RPL13: variants seen among roughly 807,000 people sequenced by gnomAD.
RPL13 encodes ribosomal protein L13.
In RPL13, 1 loss-of-function variant was observed where a neutral mutation model predicts 21.4. The observed-to-expected ratio is 0.05, with a 90% CI of 0.02 to 0.22. The LOEUF is 0.22. Ranked by LOEUF, RPL13 falls within the 10% of genes least tolerant of loss-of-function variation. The pLI, the probability that RPL13 is intolerant of heterozygous loss-of-function variation, is 1.00. For synonymous variants in RPL13, 143 were observed against 120.5 expected, an observed-to-expected ratio of 1.19 and a Z score of -1.23; for missense variants, 289 against 303.0, an observed-to-expected ratio of 0.95 and a Z score of 0.34.
Position 89,563,231 on chromosome 16 carries a change from G to A in RPL13, c.*189G>A, listed in dbSNP as rs1341688887. ...TTACTTTCTGTGTTGAAGCACTGTT[G>A]GTTGTTTGGTTAGTGACTGATGTAA... On this transcript the variant is annotated 3_prime_UTR_variant, in exon 6 of 6. Transcript: ENST00000311528. The A allele has an allele frequency of 8.0e-6, 4 of 497,788 alleles. No individual in the cohort carries two copies. Among genetic ancestry groups the A allele is most frequent in the Non-Finnish European group, 1.3e-5 (4 of 303,952 alleles). The allele number at this position is 497,788 out of a possible 1,614,324, so 30.8% of individuals were successfully genotyped here.
In RPL13 at chr16:89,561,632, A is replaced by G; in HGVS notation, c.301A>G (p.Arg101Gly). Residue 101 changes from arginine to glycine, a missense_variant, in exon 4 of 6, where the codon AGG becomes GGG. Physicochemically the swap from Arg to Gly is moderately radical, Grantham distance 125. Coordinates refer to ENST00000311528, the MANE Select transcript of RPL13 (RefSeq NM_000977.4). ...GACCATCGGCATTTCTGTGGATCCG[A>G]GGAGGCGGAACAAGTCCACGGAGTC... is the stretch of plus-strand genomic sequence containing the variant. ...ARTIGISVDPRRRNKSTESLQ... is the reference protein window; with the variant it reads ...ARTIGISVDPGRRNKSTESLQ... 6.2e-7 allele frequency: 1 copy of G among 1,613,754 alleles called. No individual in the cohort carries two copies. The highest frequency in any genetic ancestry group is 2.2e-5 in the East Asian group (1 of 44,882).
In RPL13 at chr16:89,563,214, T is replaced by C. The variant is rs2058759287; in HGVS notation, c.*172T>C. The stretch of plus-strand genomic sequence containing the variant: ...AAGCCCTGGATAATGCTTTACTTTC[T>C]GTGTTGAAGCACTGTTGGTTGTTTG... On this transcript the variant is annotated 3_prime_UTR_variant, in exon 6 of 6. Coordinates refer to ENST00000311528, the MANE Select transcript of RPL13 (RefSeq NM_000977.4). 1.7e-6 allele frequency: 1 copy of C among 573,538 alleles called. No individual in the cohort carries two copies. The highest frequency in any genetic ancestry group is 2.7e-6 in the Non-Finnish European group (1 of 364,620). The allele number at this position is 573,538 out of a possible 1,614,324, so 35.5% of individuals were successfully genotyped here. A position where few individuals can be genotyped will look rare whatever the true frequency, so the allele number is the denominator to read the frequency against.
chr16:89,562,694 C>T lies in RPL13; in HGVS notation c.478-190C>T, dbSNP rs1368459846. The T allele has an allele frequency of 8.3e-6, 5 of 604,926 alleles. No homozygotes were observed. The South Asian group carries it at 1.3e-4, about 16-fold the overall frequency. The allele number at this position is 604,926 out of a possible 1,614,324, so 37.5% of individuals were successfully genotyped here. ...TACAGGCTTGAGCCGCCATGTCCAG[C>T]TCAGGGAGGGTTTTTCTTTTTTTTT... On this transcript the variant is annotated intron_variant, in intron 5 of 5. Transcript: ENST00000311528.
In RPL13 at chr16:89,563,059, T is replaced by C. The variant is rs777231997; in HGVS notation, c.*17T>C. On this transcript the variant is annotated 3_prime_UTR_variant, in exon 6 of 6. Coordinates refer to ENST00000311528, the MANE Select transcript of RPL13 (RefSeq NM_000977.4). The stretch of plus-strand genomic sequence containing the variant: ...AAAAAATAAAGCCCTCCTGGGGACT[T>C]GGAATCAGTCGGCAGTCATGCTGGG... The C allele has an allele frequency of 8.0e-6, 12 of 1,491,528 alleles. No individual in the cohort carries two copies. The East Asian group carries it at 2.8e-4, about 34-fold the overall frequency. The allele number at this position is 1,491,528 out of a possible 1,614,324, so 92.4% of individuals were successfully genotyped here.
downstream of RPL13, chr16:89,566,564 T>G (rs534904223): frequency 6.6e-6 from 1 of 152,128 alleles, no homozygotes; most frequent in Admixed American, 6.5e-5. Context: ...TTTGGGAGGC[T>G]GAGGGGGGAG....
chr16:89,566,321 C>T (rs1191507762), downstream of RPL13: 4 of 152,296 alleles, frequency 2.6e-5, no homozygotes, highest in Middle Eastern at 3.4e-3. Context: ...AGGCACGAGT[C>T]GCCTGCCTCG....
Position 89,561,325 on chromosome 16 carries a change from C to G in RPL13, c.203C>G (p.Thr68Arg), listed in dbSNP as rs1342966310. 1.9e-6 allele frequency: 3 copies of G among 1,595,410 alleles called. No individual in the cohort carries two copies. The highest frequency in any genetic ancestry group is 1.7e-6 in the Non-Finnish European group (2 of 1,175,490). The change falls in exon 3 of 6, where the codon ACG (threonine) becomes AGG (arginine). Residue 68 changes from threonine to arginine, a missense_variant. Physicochemically the swap from Thr to Arg is moderately conservative, Grantham distance 71. Transcript: ENST00000311528. The part of the protein sequence containing the change: ...IVRCPTVRYH[T>R]KVRAGRGFSL... ...CGCTGCCCCACGGTTCGGTACCACA[C>G]GAAGGTGCGCGCCGGCCGCGGCTTC...
downstream of RPL13, chr16:89,564,548 G>A (rs149952536): frequency 3.3e-5 from 5 of 152,138 alleles, no homozygotes; most frequent in Non-Finnish European, 5.9e-5. Flanking sequence ...GGTGACACAC[G>A]CCTGTAATCC....
rs887005541 is a variant in RPL13 at position 89,563,405 on chromosome 16, A to G, written c.*363A>G. The G allele has an allele frequency of 1.7e-4, 28 of 160,436 alleles. No homozygotes were observed. Among genetic ancestry groups the G allele is most frequent in the African/African-American group, 6.7e-4 (28 of 41,760 alleles). 9.9% of individuals were successfully genotyped at this position (160,436 alleles called of 1,614,324 possible). ...GGAGTTCAAGACCAGCCTGGCCAAC[A>G]TGTCAGAACTACTAAAAATAAAGAA... On this transcript the variant is annotated 3_prime_UTR_variant, in exon 6 of 6. Transcript: ENST00000311528.
At position 89,560,967 on chromosome 16, in the gene RPL13, C is replaced by G; in HGVS notation, c.8C>G (p.Pro3Arg). The G allele has an allele frequency of 6.2e-7, 1 of 1,603,964 alleles. No homozygotes were observed. Among genetic ancestry groups the G allele is most frequent in the Non-Finnish European group, 8.5e-7 (1 of 1,177,396 alleles). The change falls in exon 2 of 6, where the codon CCC becomes CGC. Residue 3 changes from proline (P) to arginine (R), a missense_variant. Coordinates refer to ENST00000311528, the MANE Select transcript of RPL13 (RefSeq NM_000977.4). MA[P>R]SRNGMVLKPH... The stretch of plus-strand genomic sequence containing the variant: ...GCAGGGCCGTAGGCAGCCATGGCGC[C>G]CAGCCGGAATGGCATGGTCTTGAAG...
At chr16:89,561,503 C>T in intron 3 of RPL13, 75 bp from the exon 4 acceptor site, 2 of 1,612,352 alleles carry the variant, frequency 1.2e-6, no homozygotes, top group African/African-American at 1.3e-5. Context: ...CATCTGATTG[C>T]TGAGGCTTTT....
rs1250452132 is a variant in RPL13 at position 89,563,016 on chromosome 16, G to C, written c.610G>C (p.Glu204Gln). ...IRAKRAKEAA[E>Q]QDVEKKK ...GGCAAAAAGAGCCAAGGAAGCCGCA[G>C]AACAGGATGTTGAAAAGAAAAAATA... Residue 204 changes from glutamate to glutamine, a missense_variant, in exon 6 of 6, where the codon GAA (glutamate) becomes CAA (glutamine). Transcript: ENST00000311528. 1.3e-6 allele frequency: 2 copies of C among 1,548,744 alleles called. No homozygotes were observed. The highest frequency in any genetic ancestry group is 2.1e-5 in the Admixed American group (1 of 47,862).
intron 4 of RPL13, 86 bp from the exon 5 acceptor site, chr16:89,562,249 C>G: frequency 1.5e-6 from 2 of 1,311,796 alleles, no homozygotes; most frequent in Non-Finnish European, 2.2e-6. Flanking sequence ...ACACGGAATC[C>G]CCAGGGGAAA....
At chr16:89,561,801 T>A in intron 4 of RPL13, 50 bp downstream of exon 4, 1 of 1,587,592 alleles carries the variant, frequency 6.3e-7, no homozygotes, top group Non-Finnish European at 8.6e-7. Flanking sequence ...CAGTGAGGCT[T>A]GGCTCCTTTA....
At position 89,562,864 on chromosome 16, in the gene RPL13, A is replaced by T. The variant is rs1424572567; in HGVS notation, c.478-20A>T. ...GCCCTTTGGTGCATGTGGGTTTAAC[A>T]ACCTGTCTTTCTCTTCTAGGTCTAT... is the stretch of plus-strand genomic sequence containing the variant. On this transcript the variant is annotated intron_variant, in intron 5 of 5. Transcript: ENST00000311528. The T allele has an allele frequency of 1.3e-6, 2 of 1,520,464 alleles. No homozygotes were observed. Among genetic ancestry groups the T allele is most frequent in the East Asian group, 2.5e-5 (1 of 40,716 alleles). 94.2% of individuals were successfully genotyped at this position (1,520,464 alleles called of 1,614,324 possible). A position where few individuals can be genotyped will look rare whatever the true frequency, so the allele number is the denominator to read the frequency against.
At chr16:89,562,032 A>G (rs2058748772) in intron 4 of RPL13, 2 of 587,538 alleles carry the variant, frequency 3.4e-6, no homozygotes, top group Non-Finnish European at 6.0e-6. Context: ...CTTGTAGGAT[A>G]AGGTTGATAA....
rs2058759316 is a variant in RPL13 at position 89,563,226 on chromosome 16, C to A, written c.*184C>A. On this transcript the variant is annotated 3_prime_UTR_variant, in exon 6 of 6. Transcript: ENST00000311528. Reference sequence around the variant, plus strand: ...ATGCTTTACTTTCTGTGTTGAAGCACTGTTGGTTGTTTGGTTAGTGACTGA... The same window carrying A: ...ATGCTTTACTTTCTGTGTTGAAGCAATGTTGGTTGTTTGGTTAGTGACTGA... The A allele has an allele frequency of 3.8e-6, 2 of 527,622 alleles. No individual in the cohort carries two copies. Among genetic ancestry groups the A allele is most frequent in the Admixed American group, 4.4e-5 (1 of 22,496 alleles). 32.7% of individuals were successfully genotyped at this position (527,622 alleles called of 1,614,324 possible).
intron 4 of RPL13, 46 bp from the exon 5 acceptor site, chr16:89,562,289 G>A (rs1021516668): frequency 8.1e-6 from 13 of 1,597,008 alleles, no homozygotes; most frequent in African/African-American, 1.3e-5. Context: ...TGGAGTCCTT[G>A]CAGCAGTGCG....
Position 89,563,164 on chromosome 16 carries a change from T to TTAAAA in RPL13, c.*123_*124insAAAAT, listed in dbSNP as rs2058759001. ...CTGTGACTTCCTCCTGCCAGGGGAT[T>TTAAAA]TGGGGCTTTCTTGAAAGACAGTCCA... is the stretch of plus-strand genomic sequence containing the variant. On this transcript the variant is annotated 3_prime_UTR_variant, in exon 6 of 6. Transcript: ENST00000311528. The TTAAAA allele has an allele frequency of 3.0e-6, 3 of 989,726 alleles. No homozygotes were observed. Among genetic ancestry groups the TTAAAA allele is most frequent in the Admixed American group, 4.0e-5 (1 of 25,020 alleles). The allele number at this position is 989,726 out of a possible 1,614,324, so 61.3% of individuals were successfully genotyped here.
Sources: gnomAD v4.1 joint callset for allele counts on GRCh38, gnomAD v4.1.1 for gene constraint, MANE v1.5 for transcripts, NCBI Gene and HGNC (gene_info 2026-07-23, HGNC 2026-07-21) for gene names.